UCP1: variants seen among roughly 807,000 people sequenced by gnomAD.
The protein encoded by UCP1 is uncoupling protein 1.
Under a neutral mutation model 26.2 loss-of-function variants are expected in UCP1, and 24 were observed. The observed-to-expected ratio is 0.92, with a 90% CI of 0.66 to 1.29. UCP1 has a LOEUF of 1.29. UCP1 is among the 50% of genes most tolerant of loss of function. The probability of loss-of-function intolerance (pLI) is 0.00; values close to 1 mark genes in which losing one functional copy is unlikely to be tolerated. For synonymous variants in UCP1, 164 were observed against 156.8 expected, an observed-to-expected ratio of 1.05 and a Z score of -0.34; for missense variants, 402 against 388.7, an observed-to-expected ratio of 1.03 and a Z score of -0.29.
At position 140,559,970 on chromosome 4, in the gene UCP1, T is replaced by C. The variant is rs756369139; in HGVS notation, c.850A>G (p.Ile284Val). The C allele has an allele frequency of 1.9e-6, 3 of 1,614,128 alleles. No homozygotes were observed. The highest frequency in any genetic ancestry group is 2.2e-5 in the South Asian group (2 of 91,086). Residue 284 changes from isoleucine to valine, a missense_variant, in exon 6 of 6, where the codon ATT (isoleucine) becomes GTT (valine). Coordinates refer to ENST00000262999, the MANE Select transcript of UCP1 (RefSeq NM_021833.5). ...SFLRLGSWNV[I>V]MFVCFEQLKR... ...AGTTGTTCAAAGCACACAAACATAA[T>C]GACGTTCCAGGATCCAAGTCGCAAG... is the stretch of plus-strand genomic sequence containing the variant.
rs1234204849 is a variant in UCP1 at position 140,562,086 on chromosome 4, T to C, written c.809+107A>G. 9.2e-6 allele frequency: 12 copies of C among 1,298,074 alleles called. No homozygotes were observed. In the Middle Eastern group the frequency reaches 9.2e-4, roughly 100 times the overall value. The allele number at this position is 1,298,074 out of a possible 1,614,324, so 80.4% of individuals were successfully genotyped here. A position where few individuals can be genotyped will look rare whatever the true frequency, so the allele number is the denominator to read the frequency against. On this transcript the variant is annotated intron_variant, in intron 5 of 5. Transcript: ENST00000262999. ...CAAGGAAAAGTCAATACTAAGTATATGAATATACTAAGGCTTGTAAGCTAA... is the reference window on the plus strand; with the variant it reads ...CAAGGAAAAGTCAATACTAAGTATACGAATATACTAAGGCTTGTAAGCTAA...
At position 140,563,330 on chromosome 4, in the gene UCP1, C is replaced by T; in HGVS notation, c.514G>A (p.Gly172Ser). 6.2e-7 allele frequency: 1 copy of T among 1,614,078 alleles called. No individual in the cohort carries two copies. The change falls in exon 3 of 6, where the codon GGT (glycine) becomes AGT (serine). Residue 172 changes from glycine to serine, a missense_variant. By Grantham distance (56) the Gly-to-Ser change is moderately conservative. Coordinates refer to ENST00000262999, the MANE Select transcript of UCP1 (RefSeq NM_021833.5). ...RIIATTEGLTGLWKGTTPNLM... is the reference protein window; with the variant it reads ...RIIATTEGLTSLWKGTTPNLM... ...TGAAGTTAGTTACCTTTCCAAAGAC[C>T]CGTCAAGCCTTCGGTTGTTGCTATT...
At chr4:140,566,574 G>T (rs978750963) in intron 2 of UCP1, among the ~76,000 whole-genome samples, 1 of 152,148 alleles carries the variant, frequency 6.6e-6, no homozygotes. Flanking sequence ...GAAAGTACTT[G>T]TGTGGATAAG....
chr4:140,562,064 G>T, intron 5 of UCP1, 129 bp downstream of exon 5: 1 of 1,111,314 alleles, frequency 9.0e-7, no homozygotes. Context: ...TCTGTGGCAA[G>T]GAAAAGTCAA....
In UCP1 at chr4:140,564,853, C is replaced by CTT. The variant is rs34057575; in HGVS notation, c.326-1337_326-1336dup. Among the ~76,000 whole-genome samples the CTT allele has an allele frequency of 4.4e-4, 66 of 151,226 alleles. 1 individual carries two copies. Among genetic ancestry groups the CTT allele is most frequent in the Admixed American group, 2.8e-3 (43 of 15,152 alleles). The stretch of plus-strand genomic sequence containing the variant: ...CTTCCCAATCAAGCTGGAAAAGAGG[C>CTT]TTTTTTTTTAAGAACTAAAAGAAAT... On this transcript the variant is annotated intron_variant, in intron 2 of 5. Coordinates refer to ENST00000262999, the MANE Select transcript of UCP1 (RefSeq NM_021833.5).
At position 140,568,074 on chromosome 4, in the gene UCP1, C is replaced by T. The variant is rs190380413; in HGVS notation, c.127-97G>A. 4.8e-4 allele frequency: 628 copies of T among 1,295,490 alleles called. No homozygotes were observed. In the African/African-American group the frequency reaches 8.3e-3, roughly 17 times the overall value. The allele number at this position is 1,295,490 out of a possible 1,614,324, so 80.2% of individuals were successfully genotyped here. On this transcript the variant is annotated intron_variant, in intron 1 of 5. Coordinates refer to ENST00000262999, the MANE Select transcript of UCP1 (RefSeq NM_021833.5). ...TGTTCCTATTTTCCGTTTCTTTTCT[C>T]AGCAACATTCCTCTTCCATCCACCT...
chr4:140,567,625 T>C (rs1735826001), intron 2 of UCP1, among the ~76,000 whole-genome samples, 154 bp downstream of exon 2: 1 of 152,236 alleles, frequency 6.6e-6, no homozygotes, highest in South Asian at 2.1e-4. Context: ...CTTTTTTCTA[T>C]GAACAATGAG....
intron 5 of UCP1, among the ~76,000 whole-genome samples, chr4:140,561,683 A>C (rs1001253372): frequency 6.6e-6 from 1 of 152,230 alleles, no homozygotes; most frequent in Non-Finnish European, 1.5e-5. Context: ...ACAACATTGC[A>C]TTATGGAAAT....
Position 140,563,373 on chromosome 4 carries a change from A to C in UCP1, c.471T>G (p.Thr157=), listed in dbSNP as rs1735724765. The C allele has an allele frequency of 6.2e-7, 1 of 1,614,030 alleles. No homozygotes were observed. Among genetic ancestry groups the C allele is most frequent in the African/African-American group, 1.3e-5 (1 of 74,908 alleles). Residue 157 remains threonine, a synonymous_variant, in exon 3 of 6, where the codon ACT becomes ACG. Coordinates refer to ENST00000262999, the MANE Select transcript of UCP1 (RefSeq NM_021833.5). ...TTGCTATTATTCTGTACGCATTATA[A>C]GTCCCCGTGTAGCGAGGTTTGATTC... ...LHGIKPRYTG[T]YNAYRIIATT...
chr4:140,568,926 C>T lies in UCP1; in HGVS notation c.-197G>A, dbSNP rs925294219. ...GGTGTTGGGGGCCGAGTCCCCGCGT[C>T]CCCTCCTACCCACCCTCGCGCCAGC... On this transcript the variant is annotated 5_prime_UTR_variant, in exon 1 of 6. Coordinates refer to ENST00000262999, the MANE Select transcript of UCP1 (RefSeq NM_021833.5). 5.6e-6 allele frequency: 4 copies of T among 717,958 alleles called. No individual in the cohort carries two copies. Among genetic ancestry groups the T allele is most frequent in the Non-Finnish European group, 9.0e-6 (4 of 442,890 alleles). The allele number at this position is 717,958 out of a possible 1,614,324, so 44.5% of individuals were successfully genotyped here. A position where few individuals can be genotyped will look rare whatever the true frequency, so the allele number is the denominator to read the frequency against.
At chr4:140,563,754 C>G (rs535964691) in intron 2 of UCP1, among the ~76,000 whole-genome samples, 118 of 151,876 alleles carry the variant, frequency 7.8e-4, no homozygotes, top group African/African-American at 2.7e-3. Context: ...ATTATAGGCA[C>G]GTGCCACCAC....
intron 5 of UCP1, among the ~76,000 whole-genome samples, chr4:140,561,485 G>A (rs2110906101): frequency 6.6e-6 from 1 of 152,116 alleles, no homozygotes; most frequent in East Asian, 1.9e-4. Flanking sequence ...CCCAAGTAGA[G>A]GGGACCATCA....
intron 2 of UCP1, 21 bp downstream of exon 2, chr4:140,567,758 C>G: frequency 6.2e-7 from 1 of 1,613,520 alleles, no homozygotes; most frequent in Non-Finnish European, 8.5e-7. Context: ...TCTGCCCCTC[C>G]CAGGAACGCT....
In UCP1 at chr4:140,563,332, G is replaced by A. The variant is rs1735723027; in HGVS notation, c.512C>T (p.Thr171Met). Residue 171 changes from threonine to methionine, a missense_variant, in exon 3 of 6, where the codon ACG becomes ATG. Physicochemically the swap from Thr to Met is moderately conservative, Grantham distance 81. Transcript: ENST00000262999. ...AAGTTAGTTACCTTTCCAAAGACCCGTCAAGCCTTCGGTTGTTGCTATTAT... is the reference window on the plus strand; with the variant it reads ...AAGTTAGTTACCTTTCCAAAGACCCATCAAGCCTTCGGTTGTTGCTATTAT... ...YRIIATTEGL[T>M]GLWKGTTPNL... 1.2e-6 allele frequency: 2 copies of A among 1,614,046 alleles called. No individual in the cohort carries two copies.
intron 2 of UCP1, among the ~76,000 whole-genome samples, chr4:140,563,908 A>G (rs1273720407): frequency 1.3e-5 from 2 of 152,112 alleles, no homozygotes; most frequent in African/African-American, 4.8e-5. Flanking sequence ...CACCTGGCCC[A>G]TATTTTTGTA....
In UCP1 at chr4:140,563,427, G is replaced by A. The variant is rs1258994941; in HGVS notation, c.417C>T (p.Val139=). ...FIGQPTEVVK[V]RLQAQSHLHG... The stretch of plus-strand genomic sequence containing the variant: ...GGAGATGGCTCTGTGCTTGAAGTCT[G>A]ACTTTCACGACCTCTGTGGGTTGCC... Residue 139 remains valine (V), a synonymous_variant, in exon 3 of 6, where the codon GTC becomes GTT. Coordinates refer to ENST00000262999, the MANE Select transcript of UCP1 (RefSeq NM_021833.5). The A allele has an allele frequency of 2.5e-6, 4 of 1,614,050 alleles. No individual in the cohort carries two copies. In the South Asian group the frequency reaches 4.4e-5, roughly 18 times the overall value.
At chr4:140,561,734 A>G (rs764648354) in intron 5 of UCP1, among the ~76,000 whole-genome samples, 4 of 152,236 alleles carry the variant, frequency 2.6e-5, no homozygotes, top group Non-Finnish European at 5.9e-5. Flanking sequence ...GGTGAGTGTA[A>G]TAATTACCCA....
chr4:140,563,122 T>C lies in UCP1; in HGVS notation c.616A>G (p.Asn206Asp), dbSNP rs758015716. 1 of 1,613,636 alleles carries C rather than the reference T, an allele frequency of 6.2e-7. No homozygotes were observed. The highest frequency in any genetic ancestry group is 8.5e-7 in the Non-Finnish European group (1 of 1,179,700). Residue 206 changes from asparagine to aspartate, a missense_variant, in exon 4 of 6, where the codon AAC becomes GAC. Physicochemically the swap from Asn to Asp is conservative, Grantham distance 23. Transcript: ENST00000262999. ...AATGGGAAGTTACCTGCTAATATGT[T>C]GTTTTTCACAAAGGCCTCCTTCATT... ...DLMKEAFVKN[N>D]ILADDVPCHL... is the part of the protein sequence containing the mutation.
chr4:140,559,840 T>C lies in UCP1; in HGVS notation c.*56A>G. The C allele has an allele frequency of 7.0e-7, 1 of 1,420,562 alleles. No individual in the cohort carries two copies. Among genetic ancestry groups the C allele is most frequent in the Non-Finnish European group, 9.9e-7 (1 of 1,006,226 alleles). The allele number at this position is 1,420,562 out of a possible 1,614,324, so 88.0% of individuals were successfully genotyped here. Reference sequence around the variant, plus strand: ...TAAGTGAATAAGTTTTGTTTGTTTTTATGATCCAGTCAGCAAGATTCCCAC... The same window carrying C: ...TAAGTGAATAAGTTTTGTTTGTTTTCATGATCCAGTCAGCAAGATTCCCAC... On this transcript the variant is annotated 3_prime_UTR_variant, in exon 6 of 6. Transcript: ENST00000262999.
Sources: gnomAD v4.1 joint callset for allele counts (sites outside exome capture counted in the v4.1 genomes callset) on GRCh38, gnomAD v4.1.1 for gene constraint, MANE v1.5 for transcripts, NCBI Gene and HGNC (gene_info 2026-07-23, HGNC 2026-07-21) for gene names.